Variants in UBE2E2 observed in about 807,000 individuals in gnomAD.
The protein encoded by UBE2E2 is ubiquitin conjugating enzyme E2 E2.
In UBE2E2, 6 loss-of-function variants were observed where a neutral mutation model predicts 24.7. The ratio of observed to expected loss-of-function variants is 0.24; its 90% CI spans 0.13 to 0.48. UBE2E2 has a LOEUF of 0.48. Among genes scored for constraint, UBE2E2 ranks in the 20% least tolerant of loss-of-function variants. The pLI is 0.99. For missense variants in UBE2E2, 169 were observed against 245.0 expected (o/e 0.69, Z 2.07); for synonymous variants, 104 against 83.6 (o/e 1.24, Z -1.33).
At chr3:23,549,089 AC>A (rs569858893) in intron 5 of UBE2E2, among the ~76,000 whole-genome samples, 52 of 152,308 alleles carry the variant, frequency 3.4e-4, no homozygotes, top group African/African-American at 1.2e-3. Flanking sequence ...TTTTTAACCT[AC>A]TTTGGAAAAT....
At chr3:23,315,092 T>G (rs1694533182) in intron 3 of UBE2E2, among the ~76,000 whole-genome samples, 1 of 152,156 alleles carries the variant, frequency 6.6e-6, no homozygotes, top group African/African-American at 2.4e-5. Flanking sequence ...ACTCTTAGGT[T>G]TGCCCTTTTA....
At chr3:23,534,715 CTG>C (rs2125487446) in intron 5 of UBE2E2, among the ~76,000 whole-genome samples, 2 of 152,246 alleles carry the variant, frequency 1.3e-5, no homozygotes, top group East Asian at 3.9e-4. Flanking sequence ...CTTTCAATCT[CTG>C]TAGGTTTTTT....
Position 23,589,997 on chromosome 3 carries a change from G to GATACGGCGA in UBE2E2, c.*166_*167insATACGGCGA. ...CCATCTTCCCATCCCAGTTCTTCCT[G>GATACGGCGA]CCCCCCTTCCTCTCTCCCACGCTCT... On this transcript the variant is annotated 3_prime_UTR_variant, in exon 6 of 6. Coordinates refer to ENST00000396703, the MANE Select transcript of UBE2E2 (RefSeq NM_152653.4). This position sits in a 1 kb window ranked among gnomAD's most constrained non-coding sequence, Gnocchi z 4.1. The GATACGGCGA allele has an allele frequency of 3.0e-5, 17 of 562,218 alleles. No homozygotes were observed. The highest frequency in any genetic ancestry group is 1.2e-4 in the Admixed American group (4 of 33,040). The allele number at this position is 562,218 out of a possible 1,614,324, so 34.8% of individuals were successfully genotyped here. A position where few individuals can be genotyped will look rare whatever the true frequency, so the allele number is the denominator to read the frequency against.
At chr3:23,543,252 A>G (rs149908074) in intron 5 of UBE2E2, among the ~76,000 whole-genome samples, 5 of 152,358 alleles carry the variant, frequency 3.3e-5, no homozygotes, top group African/African-American at 1.2e-4. Flanking sequence ...TCCAAACTGG[A>G]AAAGAGGAAG....
chr3:23,409,581 T>C (rs1697451411), intron 3 of UBE2E2, among the ~76,000 whole-genome samples: 1 of 152,194 alleles, frequency 6.6e-6, no homozygotes, highest in Non-Finnish European at 1.5e-5. Context: ...TTCTGTATTT[T>C]GCATTCTTTG....
intron 3 of UBE2E2, among the ~76,000 whole-genome samples, chr3:23,396,025 C>T (rs945667858): frequency 2.0e-5 from 3 of 151,928 alleles, no homozygotes; most frequent in Non-Finnish European, 2.9e-5. Flanking sequence ...ACAACAAATG[C>T]GTCTTCAAAT....
chr3:23,479,909 C>T (rs1699221054), intron 3 of UBE2E2, among the ~76,000 whole-genome samples: 1 of 152,000 alleles, frequency 6.6e-6, no homozygotes, highest in Admixed American at 6.6e-5. Context: ...CACGGGTGGG[C>T]CTGGAGAAAG....
intron 3 of UBE2E2, among the ~76,000 whole-genome samples, chr3:23,418,410 C>G (rs912445129): frequency 6.6e-6 from 1 of 152,134 alleles, no homozygotes; most frequent in Non-Finnish European, 1.5e-5. Context: ...AGTAGGGTAC[C>G]TTAGTTGGAA....
chr3:23,468,419 A>G (rs748371477), intron 3 of UBE2E2, among the ~76,000 whole-genome samples: 57 of 152,262 alleles, frequency 3.7e-4, no homozygotes, highest in Non-Finnish European at 6.5e-4. Flanking sequence ...AGAAACAAAA[A>G]AGATGTTAAA....
intron 3 of UBE2E2, among the ~76,000 whole-genome samples, chr3:23,309,346 T>C (rs7653868): frequency 0.84 from 128,307 of 152,194 alleles, 54,197 homozygotes; most frequent in African/African-American, 0.9. Flanking sequence ...GGGTAGTGAA[T>C]ATAGTTCACA....
intron 3 of UBE2E2, among the ~76,000 whole-genome samples, chr3:23,328,662 C>CTTTTTTTTTTTTTTT (rs11433089): frequency 6.9e-6 from 1 of 145,430 alleles, no homozygotes. Flanking sequence ...CTCTCTCTCT[C>CTTTTTTTTTTTTTTT]TTTTTTTTTT....
At chr3:23,542,098 T>C (rs1462240551) in intron 5 of UBE2E2, among the ~76,000 whole-genome samples, 1 of 152,244 alleles carries the variant, frequency 6.6e-6, no homozygotes, top group Admixed American at 6.5e-5. Context: ...CAGCTTACAA[T>C]GCATGAATAA....
At position 23,471,469 on chromosome 3, in the gene UBE2E2, G is replaced by A. The variant is rs563185999; in HGVS notation, c.228-28139G>A. ...GAAGCAAATGTAAGGAAACAAGGTG[G>A]TTGATGGGTCCTGAGAAGAGGAAAG... On this transcript the variant is annotated intron_variant, in intron 3 of 5. Transcript: ENST00000396703. 2.6e-5 allele frequency among the ~76,000 whole-genome samples: 4 copies of A among 152,330 alleles called. No homozygotes were observed. The East Asian group carries it at 7.7e-4, about 29-fold the overall frequency.
chr3:23,339,635 T>A (rs939862647), intron 3 of UBE2E2, among the ~76,000 whole-genome samples: 5 of 152,000 alleles, frequency 3.3e-5, no homozygotes, highest in Admixed American at 3.3e-4. Flanking sequence ...TATGGTGGGG[T>A]TGGTTTTATT....
intron 5 of UBE2E2, among the ~76,000 whole-genome samples, chr3:23,577,427 C>T (rs1351438193): frequency 6.6e-6 from 1 of 151,976 alleles, no homozygotes; most frequent in Non-Finnish European, 1.5e-5. Context: ...AAGCCAAAGC[C>T]TAATCCAGCA....
intron 5 of UBE2E2, among the ~76,000 whole-genome samples, chr3:23,551,284 A>G (rs558000740): frequency 1.3e-5 from 2 of 152,342 alleles, no homozygotes; most frequent in African/African-American, 2.4e-5. Flanking sequence ...TAAAAGGGCA[A>G]CCTTTTAAGT....
intron 3 of UBE2E2, among the ~76,000 whole-genome samples, chr3:23,493,854 G>T (rs538827633): frequency 4.9e-4 from 75 of 152,098 alleles, no homozygotes; most frequent in Non-Finnish European, 9.4e-4. Context: ...ACCTCTTTGA[G>T]TGTATTTTTG....
At chr3:23,531,998 G>A (rs1390385054) in intron 4 of UBE2E2, among the ~76,000 whole-genome samples, 1 of 150,490 alleles carries the variant, frequency 6.6e-6, no homozygotes, top group Admixed American at 6.6e-5. Context: ...GGAGGTGGAG[G>A]TTGCAGTGAG....
intron 3 of UBE2E2, among the ~76,000 whole-genome samples, chr3:23,342,951 G>A (rs950598307): frequency 6.6e-5 from 10 of 151,956 alleles, no homozygotes; most frequent in African/African-American, 2.4e-4. Context: ...TGGGGGTGGG[G>A]AACTTCTGCT....
Sources: gnomAD v4.1 joint callset for allele counts (sites outside exome capture counted in the v4.1 genomes callset) on GRCh38, gnomAD v4.1.1 for gene constraint, Gnocchi (gnomAD v3.1) non-coding constraint, MANE v1.5 for transcripts, NCBI Gene and HGNC (gene_info 2026-07-23, HGNC 2026-07-21) for gene names.